The following SELENOW variants were observed in gnomAD, a reference collection of about 807,000 sequenced individuals.
SELENOW encodes the protein selenoprotein W, 1.
A neutral mutation model predicts 16.6 loss-of-function variants in SELENOW; 20 were observed. The observed-to-expected ratio is 1.21, with a 90% CI of 0.85 to 1.76. The LOEUF (loss-of-function observed/expected upper bound fraction) is 1.76, where lower values mean the gene tolerates loss of function less well. Among genes scored for constraint, SELENOW ranks in the 40% most tolerant of loss-of-function variants. The probability of loss-of-function intolerance (pLI) is 0.00; values close to 1 mark genes in which losing one functional copy is unlikely to be tolerated. For synonymous variants in SELENOW, 44 were observed against 46.2 expected, an observed-to-expected ratio of 0.95 and a Z score of 0.19; for missense variants, 124 against 111.0, an observed-to-expected ratio of 1.12 and a Z score of -0.53.
intron 5 of SELENOW, 79 bp downstream of exon 5, chr19:47,781,467 G>A: frequency 1.3e-6 from 1 of 771,734 alleles, no homozygotes; most frequent in Non-Finnish European, 2.2e-6. Flanking sequence ...GGCCCAGGGT[G>A]GAGAGCCTGG....
At chr19:47,780,669 A>AT (rs1967462808) in intron 1 of SELENOW, 56 bp from the exon 2 acceptor site, 1 of 1,495,262 alleles carries the variant, frequency 6.7e-7, no homozygotes, top group South Asian at 1.2e-5. Context: ...CCTCTCCCCG[A>AT]TCCCCCACTT....
Position 47,779,820 on chromosome 19 carries a change from GTAAAT to G in SELENOW, c.30-900_30-896del, listed in dbSNP as rs758906638. The G allele has an allele frequency of 2.9e-5, 5 of 173,274 alleles. No individual in the cohort carries two copies. In the South Asian group the frequency reaches 3.5e-4, roughly 12 times the overall value. The allele number at this position is 173,274 out of a possible 1,614,324, so 10.7% of individuals were successfully genotyped here. A position where few individuals can be genotyped will look rare whatever the true frequency, so the allele number is the denominator to read the frequency against. Reference sequence around the variant, plus strand: ...CGAGACTCTGTCTCAAAAAAAAAAAGTAAATTAAAGAGAGGAATTTTAGTTCTATG... The same window carrying G: ...CGAGACTCTGTCTCAAAAAAAAAAAGTAAAGAGAGGAATTTTAGTTCTATG... On this transcript the variant is annotated intron_variant, in intron 1 of 5. Transcript: ENST00000601048.
rs1194993218 is a variant in SELENOW at position 47,780,907 on chromosome 19, G to T, written c.98G>T (p.Arg33Leu). 5.0e-6 allele frequency: 8 copies of T among 1,613,226 alleles called. No individual in the cohort carries two copies. The highest frequency in any genetic ancestry group is 6.8e-6 in the Non-Finnish European group (8 of 1,179,676). ...KKKLEDEFPG[R>L]LDICGEGTPQ... ...AAGTTAGAAGATGAGTTCCCCGGCC[G>T]CCTGGACATCGTGAGTCTTGGGATG... is the stretch of plus-strand genomic sequence containing the variant. Residue 33 changes from arginine to leucine, a missense_variant, in exon 3 of 6, where the codon CGC becomes CTC. Physicochemically the swap from Arg to Leu is moderately radical, Grantham distance 102. Coordinates refer to ENST00000601048, the MANE Select transcript of SELENOW (RefSeq NM_003009.4).
chr19:47,778,744 GC>G lies in SELENOW; in HGVS notation c.-39del. The stretch of plus-strand genomic sequence containing the variant: ...CGCGTCCAGGTGGGAGGTTAGTGTG[GC>G]CCGGGCGTCCGCTCCTCAGCGGATG... On this transcript the variant is annotated 5_prime_UTR_variant, in exon 1 of 6. Transcript: ENST00000601048. 2 of 1,586,848 alleles carry G rather than the reference GC, an allele frequency of 1.3e-6. No individual in the cohort carries two copies. Among genetic ancestry groups the G allele is most frequent in the Non-Finnish European group, 1.7e-6 (2 of 1,167,566 alleles).
At chr19:47,780,162 C>T (rs1192271834) in intron 1 of SELENOW, 7 of 453,552 alleles carry the variant, frequency 1.5e-5, no homozygotes, top group South Asian at 4.7e-5. Flanking sequence ...AATCTCAGCA[C>T]TTTGGGAGGC....
At chr19:47,780,474 G>A in intron 1 of SELENOW, 1 of 557,800 alleles carries the variant, frequency 1.8e-6, no homozygotes, top group Non-Finnish European at 3.2e-6. Context: ...GCTTGGTGTT[G>A]GTTTTCTGTG....
intron 1 of SELENOW, chr19:47,779,059 G>A (rs3815751): frequency 0.66 from 340,306 of 518,642 alleles, 112,736 homozygotes; most frequent in South Asian, 0.69. Flanking sequence ...TGAGACGAGT[G>A]TGTGTCAATT....
chr19:47,783,687 A>G (rs1054049695), intron 5 of SELENOW: 2 of 152,256 alleles, frequency 1.3e-5, no homozygotes, highest in Non-Finnish European at 2.9e-5. Flanking sequence ...CCAGAGCAGA[A>G]TGAGGTCATG....
rs867010548 is a variant in SELENOW, at chr19:47,778,820, C to T, written c.29+6C>T. 5.6e-6 allele frequency: 9 copies of T among 1,601,992 alleles called. No homozygotes were observed. Among genetic ancestry groups the T allele is most frequent in the Admixed American group, 1.7e-5 (1 of 58,746 alleles). On this transcript the variant is annotated splice_donor_region_variant and intron_variant, in intron 1 of 5. Coordinates refer to ENST00000601048, the MANE Select transcript of SELENOW (RefSeq NM_003009.4). ...GCCGTCCGAGTCGTTTATTGGTAAG[C>T]CCAGCGGCCAGCGGCCCCCGTCCCC...
In SELENOW at chr19:47,781,295, C is replaced by T. The variant is rs777428046; in HGVS notation, c.189C>T (p.Gly63=). 16 of 1,613,254 alleles carry T rather than the reference C, an allele frequency of 9.9e-6. No homozygotes were observed. Among genetic ancestry groups the T allele is most frequent in the Non-Finnish European group, 1.4e-5 (16 of 1,179,386 alleles). The change falls in exon 5 of 6, where the codon GGC becomes GGT. Residue 63 remains glycine (G), a synonymous_variant. Transcript: ENST00000601048. ...AGKLIHSKKK[G]DGYVDTESKF... ...CCTCTTCCTCCCCTCCCTAGAAAGG[C>T]GATGGCTACGTGGACACAGAAAGCA...
chr19:47,782,715 A>AT (rs1241105198), intron 5 of SELENOW: 2 of 151,822 alleles, frequency 1.3e-5, no homozygotes, highest in Non-Finnish European at 2.9e-5. Flanking sequence ...TAATTTTTGT[A>AT]TTTTTAGTAG....
At chr19:47,780,487 T>C in intron 1 of SELENOW, 2 of 573,682 alleles carry the variant, frequency 3.5e-6, no homozygotes, top group South Asian at 4.1e-5. Flanking sequence ...TTTCTGTGTG[T>C]CTCTGTGTGT....
intron 1 of SELENOW, chr19:47,779,886 G>A (rs1423966972): frequency 4.5e-6 from 1 of 222,688 alleles, no homozygotes; most frequent in East Asian, 1.2e-4. Context: ...GACTGGGGTG[G>A]GGGCAGGTCA....
At chr19:47,780,012 G>T (rs796510888) in intron 1 of SELENOW, 1 of 344,062 alleles carries the variant, frequency 2.9e-6, no homozygotes, top group Non-Finnish European at 6.0e-6. Flanking sequence ...ATTTTGAGAC[G>T]CCTACCAGGC....
intron 1 of SELENOW, chr19:47,780,158 A>G: frequency 2.2e-6 from 1 of 454,230 alleles, no homozygotes; most frequent in South Asian, 1.6e-5. Flanking sequence ...CTGTAATCTC[A>G]GCACTTTGGG....
chr19:47,781,199 G>A lies in SELENOW; in HGVS notation c.183+17G>A, dbSNP rs532507839. The stretch of plus-strand genomic sequence containing the variant: ...TCTAAGAAGGTATGTCTGTCTGTCC[G>A]TCCTGCCTGGTTTTGGGGCTAGCAT... On this transcript the variant is annotated intron_variant, in intron 4 of 5. Coordinates refer to ENST00000601048, the MANE Select transcript of SELENOW (RefSeq NM_003009.4). 1.2e-4 allele frequency: 197 copies of A among 1,612,358 alleles called. 2 individuals carry two copies. The highest frequency in any genetic ancestry group is 1.1e-3 in the South Asian group (102 of 91,038).
At chr19:47,779,956 C>G (rs980844574) in intron 1 of SELENOW, 9 of 283,738 alleles carry the variant, frequency 3.2e-5, no homozygotes, top group African/African-American at 2.0e-4. Context: ...TTGTCGGCAG[C>G]TTTCCAACGT....
In SELENOW at chr19:47,781,118, G is replaced by C; in HGVS notation, c.119G>C (p.Gly40Ala). The change falls in exon 4 of 6, where the codon GGA (glycine) becomes GCA (alanine). Residue 40 changes from glycine to alanine, a missense_variant. Transcript: ENST00000601048. ...ACCCCCTTTCCTCAGTGCGGCGAGG[G>C]AACTCCCCAGGCCACCGGGTTCTTT... ...FPGRLDICGE[G>A]TPQATGFFEV... 6.2e-7 allele frequency: 1 copy of C among 1,613,702 alleles called. No homozygotes were observed. Among genetic ancestry groups the C allele is most frequent in the Non-Finnish European group, 8.5e-7 (1 of 1,179,730 alleles).
At chr19:47,782,034 A>G (rs148012416) in intron 5 of SELENOW, 1 of 157,678 alleles carries the variant, frequency 6.3e-6, no homozygotes, top group African/African-American at 2.4e-5. Context: ...TTTGGGAATG[A>G]AAAGTGCTAG....
Sources: gnomAD v4.1 joint callset for allele counts on GRCh38, gnomAD v4.1.1 for gene constraint, MANE v1.5 for transcripts, NCBI Gene and HGNC (gene_info 2026-07-23, HGNC 2026-07-21) for gene names.